SLC4A4: variants seen among roughly 807,000 people sequenced by gnomAD.
SLC4A4 encodes the protein electrogenic sodium bicarbonate cotransporter 1.
Under a neutral mutation model 111.5 loss-of-function variants are expected in SLC4A4, and 27 were observed. The ratio of observed to expected loss-of-function variants is 0.24; its 90% confidence interval spans 0.18 to 0.33. SLC4A4 has a LOEUF of 0.33. SLC4A4 is among the 10% of genes least tolerant of loss of function. The pLI is 1.00. For missense variants in SLC4A4, 909 were observed against 1,315.5 expected (o/e 0.69, Z 4.78); for synonymous variants, 443 against 463.4 (o/e 0.96, Z 0.57).
intron 6 of SLC4A4, among the ~76,000 whole-genome samples, chr4:71,374,069 T>C (rs964696704): frequency 1.3e-5 from 2 of 152,242 alleles, no homozygotes; most frequent in East Asian, 3.8e-4. Flanking sequence ...AAGACTCTTC[T>C]AGATTCCTGC....
chr4:71,188,327 T>A (rs1210657269), intron 1 of SLC4A4, among the ~76,000 whole-genome samples: 1 of 152,170 alleles, frequency 6.6e-6, no homozygotes, highest in Non-Finnish European at 1.5e-5. Flanking sequence ...TTTTCTATCC[T>A]TCCTTCCCTC....
In SLC4A4 at chr4:71,497,641, C is replaced by G. The variant is rs1352317328; in HGVS notation, c.2115C>G (p.Thr705=). 2 of 1,613,526 alleles carry G rather than the reference C, an allele frequency of 1.2e-6. No homozygotes were observed. The highest frequency in any genetic ancestry group is 2.7e-5 in the African/African-American group (2 of 74,870). ...MSFILFLGTY[T]SSMALKKFKT... ...TTATCCTCTTCTTGGGAACCTACAC[C>G]TCTTCCATGGCTCTGAAAAAATTCA... is the stretch of plus-strand genomic sequence containing the variant. Residue 705 remains threonine, a synonymous_variant, in exon 16 of 26, where the codon ACC becomes ACG. Transcript: ENST00000264485.
chr4:71,259,756 G>C (rs1721712568), intron 3 of SLC4A4, among the ~76,000 whole-genome samples: 1 of 152,094 alleles, frequency 6.6e-6, no homozygotes, highest in Non-Finnish European at 1.5e-5. Flanking sequence ...AGCCTACATG[G>C]TTTTGGCCTC....
At chr4:71,135,045 C>T (rs1016262728) in intron 2 of SLC4A4, among the ~76,000 whole-genome samples, 4 of 152,092 alleles carry the variant, frequency 2.6e-5, no homozygotes, top group Non-Finnish European at 5.9e-5. Context: ...TCCGATAAGC[C>T]TTTAAGTAAC....
rs1273913024 is a variant in SLC4A4 at position 71,303,471 on chromosome 4, C to T, written c.254-35899C>T. Among the ~76,000 whole-genome samples the T allele has an allele frequency of 2.6e-5, 4 of 152,094 alleles. No homozygotes were observed. The East Asian group carries it at 7.7e-4, about 29-fold the overall frequency. ...TATCTTCTGTTGTCTTGCTAATGGA[C>T]CTCCTCTTGAAAAACAACTCTTCCT... On this transcript the variant is annotated intron_variant, in intron 3 of 25. Transcript: ENST00000264485.
intron 2 of SLC4A4, among the ~76,000 whole-genome samples, chr4:71,095,254 T>C (rs1742509177): frequency 6.6e-6 from 1 of 152,162 alleles, no homozygotes; most frequent in African/African-American, 2.4e-5. Flanking sequence ...AAAAGATCAA[T>C]GGGGAGAGCA....
At chr4:71,202,403 T>TCCCC (rs1746298732) in intron 1 of SLC4A4, among the ~76,000 whole-genome samples, 1 of 152,194 alleles carries the variant, frequency 6.6e-6, no homozygotes, top group African/African-American at 2.4e-5. Context: ...GACTCACCCT[T>TCCCC]CCCCCACCTC....
intron 2 of SLC4A4, among the ~76,000 whole-genome samples, chr4:71,249,076 G>T (rs1455021286): frequency 1.3e-5 from 2 of 152,064 alleles, no homozygotes; most frequent in Non-Finnish European, 2.9e-5. Context: ...AACAAGCTAA[G>T]ATTTCTTATC....
intron 2 of SLC4A4, among the ~76,000 whole-genome samples, chr4:71,135,509 T>C (rs1229492952): frequency 1.3e-5 from 2 of 152,092 alleles, no homozygotes; most frequent in African/African-American, 2.4e-5. Context: ...TTGGCCAGGC[T>C]TCTCTCGAAC....
intron 7 of SLC4A4, among the ~76,000 whole-genome samples, chr4:71,415,921 A>T (rs1319060781): frequency 6.6e-6 from 1 of 152,182 alleles, no homozygotes; most frequent in African/African-American, 2.4e-5. Flanking sequence ...AGATCACCTC[A>T]TTTACTCTTC....
intron 21 of SLC4A4, among the ~76,000 whole-genome samples, chr4:71,556,735 G>A (rs1022552644): frequency 6.6e-6 from 1 of 151,758 alleles, no homozygotes; most frequent in African/African-American, 2.4e-5. Flanking sequence ...TAAATGAGAA[G>A]GTCCTCACCA....
intron 2 of SLC4A4, among the ~76,000 whole-genome samples, chr4:71,105,298 T>C (rs1165516476): frequency 1.3e-4 from 19 of 149,876 alleles, no homozygotes; most frequent in Admixed American, 3.3e-4. Flanking sequence ...AAGAACATTC[T>C]ATGCTCATGG....
At chr4:71,116,183 TGCGCCC>T (rs1743240782) in intron 2 of SLC4A4, among the ~76,000 whole-genome samples, 2 of 152,192 alleles carry the variant, frequency 1.3e-5, no homozygotes, top group African/African-American at 4.8e-5. Context: ...TGTGGGCCAC[TGCGCCC>T]GGCCTATTCA....
intron 3 of SLC4A4, among the ~76,000 whole-genome samples, chr4:71,325,133 C>T (rs78224171): frequency 0.01 from 1,548 of 151,870 alleles, 18 homozygotes; most frequent in Non-Finnish European, 0.014. Context: ...CTATAGCTTG[C>T]TAACATGTAA....
chr4:71,484,129 T>C (rs1224383792), intron 14 of SLC4A4, among the ~76,000 whole-genome samples: 2 of 151,978 alleles, frequency 1.3e-5, no homozygotes, highest in African/African-American at 4.8e-5. Context: ...AGGTTGTTTG[T>C]TTACTCTGTT....
intron 3 of SLC4A4, among the ~76,000 whole-genome samples, chr4:71,296,564 T>C (rs1724811056): frequency 1.3e-5 from 2 of 152,208 alleles, no homozygotes; most frequent in African/African-American, 2.4e-5. Flanking sequence ...TTTTTATACA[T>C]GGTAGACTAA....
At chr4:71,126,858 G>A (rs1056057002) in intron 2 of SLC4A4, among the ~76,000 whole-genome samples, 8 of 152,084 alleles carry the variant, frequency 5.3e-5, no homozygotes, top group Admixed American at 1.3e-4. Context: ...TTTTGGTTCT[G>A]CATGCCATAG....
intron 6 of SLC4A4, among the ~76,000 whole-genome samples, chr4:71,394,331 G>T (rs1181942218): frequency 6.6e-6 from 1 of 151,922 alleles, no homozygotes; most frequent in East Asian, 1.9e-4. Context: ...CCATCAAAAA[G>T]TGGGCTAAGG....
At chr4:71,133,243 A>G (rs1337423942) in intron 2 of SLC4A4, among the ~76,000 whole-genome samples, 4 of 152,192 alleles carry the variant, frequency 2.6e-5, no homozygotes, top group African/African-American at 9.6e-5. Context: ...TCTCACTTGG[A>G]TCCTATTTCC....
Sources: gnomAD v4.1 joint callset for allele counts (sites outside exome capture counted in the v4.1 genomes callset) on GRCh38, gnomAD v4.1.1 for gene constraint, MANE v1.5 for transcripts, NCBI Gene and HGNC (gene_info 2026-07-23, HGNC 2026-07-21) for gene names.